SNTG1: variants seen among roughly 807,000 people sequenced by gnomAD.
The protein encoded by SNTG1 is syntrophin gamma 1.
A neutral mutation model predicts 74.7 loss-of-function variants in SNTG1; 39 were observed. The observed-to-expected ratio is 0.52, with a 90% CI of 0.40 to 0.68. The LOEUF (loss-of-function observed/expected upper bound fraction) is 0.68. SNTG1 is among the 30% of genes least tolerant of loss of function. The probability of loss-of-function intolerance (pLI) is 0.00; values close to 1 mark genes in which losing one functional copy is unlikely to be tolerated. For missense variants in SNTG1, 685 were observed against 609.5 expected (o/e 1.12, Z -1.30); for synonymous variants, 254 against 217.1 (o/e 1.17, Z -1.49).
At chr8:50,579,382 C>A (rs1369106123) in intron 12 of SNTG1, among the ~76,000 whole-genome samples, 1 of 152,138 alleles carries the variant, frequency 6.6e-6, no homozygotes, top group Admixed American at 6.5e-5. Flanking sequence ...GAAAAGAGAA[C>A]CCCGTTTTCT....
intron 11 of SNTG1, among the ~76,000 whole-genome samples, chr8:50,537,741 T>C (rs1436542219): frequency 6.6e-6 from 1 of 152,172 alleles, no homozygotes; most frequent in African/African-American, 2.4e-5. Flanking sequence ...AAGAGCTGTA[T>C]AGTAAATATT....
intron 1 of SNTG1, among the ~76,000 whole-genome samples, chr8:50,127,115 A>C (rs2081167369): frequency 6.6e-6 from 1 of 152,112 alleles, no homozygotes. Flanking sequence ...GATGTGTCCT[A>C]CTGATTCTTT....
intron 12 of SNTG1, among the ~76,000 whole-genome samples, chr8:50,564,261 T>G (rs2094503911): frequency 6.6e-6 from 1 of 152,126 alleles, no homozygotes; most frequent in Admixed American, 6.6e-5. Flanking sequence ...ATTAACTTTG[T>G]ATTATTGTAA....
chr8:50,553,190 A>T lies in SNTG1; in HGVS notation c.810+11A>T, dbSNP rs755053206. On this transcript the variant is annotated intron_variant, in intron 12 of 18. Coordinates refer to ENST00000642720, the MANE Select transcript of SNTG1 (RefSeq NM_018967.5). ...CTCACAAAGCACAATGTAAGTAATG[A>T]TTCAAGGAATACCTAGCCAGGGTTT... 1 of 1,613,546 alleles carries T rather than the reference A, an allele frequency of 6.2e-7. No individual in the cohort carries two copies. The highest frequency in any genetic ancestry group is 8.5e-7 in the Non-Finnish European group (1 of 1,179,702).
chr8:50,757,840 T>A (rs1036669183), intron 18 of SNTG1, among the ~76,000 whole-genome samples: 6 of 151,918 alleles, frequency 3.9e-5, no homozygotes, highest in Non-Finnish European at 8.8e-5. Flanking sequence ...AACAGTTATA[T>A]ATTGTTTTAC....
At chr8:50,693,366 G>A (rs898366246) in intron 15 of SNTG1, among the ~76,000 whole-genome samples, 10 of 152,118 alleles carry the variant, frequency 6.6e-5, no homozygotes, top group East Asian at 1.9e-4. Flanking sequence ...GCTGTAGACC[G>A]GAGCTGTTCC....
chr8:50,632,203 G>A (rs2095003595), intron 13 of SNTG1, among the ~76,000 whole-genome samples: 2 of 151,874 alleles, frequency 1.3e-5, no homozygotes, highest in African/African-American at 4.8e-5. Flanking sequence ...CTTAAAGGAT[G>A]GGTAAAAGCT....
rs1260606750 is a variant in SNTG1, at chr8:50,421,049, G to C, written c.163-17494G>C. 4.5e-4 allele frequency among the ~76,000 whole-genome samples: 51 copies of C among 113,388 alleles called. 6 individuals carry two copies. Among genetic ancestry groups the C allele is most frequent in the East Asian group, 1.3e-3 (5 of 3,784 alleles). 74.4% of individuals were successfully genotyped at this position (113,388 alleles called of 152,430 possible). On this transcript the variant is annotated intron_variant, in intron 4 of 18. Transcript: ENST00000642720. ...AAAAAAAAAAAAAGGCGGTGGGCGGGGGAGGGGGGGGCGAAGATAAAGGGA... is the reference window on the plus strand; with the variant it reads ...AAAAAAAAAAAAAGGCGGTGGGCGGCGGAGGGGGGGGCGAAGATAAAGGGA...
At chr8:50,721,342 C>T (rs1404410878) in intron 17 of SNTG1, among the ~76,000 whole-genome samples, 1 of 152,206 alleles carries the variant, frequency 6.6e-6, no homozygotes, top group Non-Finnish European at 1.5e-5. Context: ...CACTGACATT[C>T]TCTAGGTTAC....
chr8:50,437,703 CAA>C (rs1456335333), intron 4 of SNTG1, among the ~76,000 whole-genome samples: 1 of 152,142 alleles, frequency 6.6e-6, no homozygotes, highest in Non-Finnish European at 1.5e-5. Context: ...GGGGAATGTT[CAA>C]AAAGATTGAT....
At chr8:50,641,179 C>A (rs115938620) in intron 13 of SNTG1, among the ~76,000 whole-genome samples, 40 of 152,274 alleles carry the variant, frequency 2.6e-4, no homozygotes, top group African/African-American at 9.4e-4. Context: ...CTGAAGTACA[C>A]GCCTAAAGCA....
chr8:50,731,522 C>T (rs1015100097), intron 17 of SNTG1, among the ~76,000 whole-genome samples: 23 of 152,076 alleles, frequency 1.5e-4, no homozygotes, highest in African/African-American at 5.5e-4. Flanking sequence ...TCCTGTGTTT[C>T]TTACTAGCAC....
intron 2 of SNTG1, among the ~76,000 whole-genome samples, chr8:50,195,512 C>A (rs1276828960): frequency 6.6e-6 from 1 of 152,162 alleles, no homozygotes; most frequent in African/African-American, 2.4e-5. Flanking sequence ...TTCCTTCTCC[C>A]TGTGGAGTTA....
chr8:50,227,214 G>GA (rs2085373949), intron 2 of SNTG1, among the ~76,000 whole-genome samples: 1 of 152,058 alleles, frequency 6.6e-6, no homozygotes, highest in Admixed American at 6.6e-5. Flanking sequence ...CAGACCTATA[G>GA]AAAAAATGAA....
intron 17 of SNTG1, among the ~76,000 whole-genome samples, chr8:50,737,574 C>A (rs1179526386): frequency 6.6e-6 from 1 of 152,080 alleles, no homozygotes; most frequent in African/African-American, 2.4e-5. Context: ...CCAGCATCAT[C>A]CTGATAGCAA....
At chr8:49,938,152 A>C (rs888158079) in intron 1 of SNTG1, among the ~76,000 whole-genome samples, 2 of 152,142 alleles carry the variant, frequency 1.3e-5, no homozygotes, top group Admixed American at 6.5e-5. Context: ...CTTGACTATT[A>C]ACCTCCATTG....
chr8:50,084,520 A>G (rs1822701973), intron 1 of SNTG1, among the ~76,000 whole-genome samples: 1 of 152,220 alleles, frequency 6.6e-6, no homozygotes, highest in Non-Finnish European at 1.5e-5. Flanking sequence ...AATTTAGATG[A>G]CCAAAATCTA....
intron 2 of SNTG1, among the ~76,000 whole-genome samples, chr8:50,309,723 C>T (rs147229528): frequency 1.3e-5 from 2 of 152,204 alleles, no homozygotes; most frequent in East Asian, 1.9e-4. Flanking sequence ...TTCTGAGAGA[C>T]GAAGTGGAGA....
chr8:50,312,315 G>T lies in SNTG1; in HGVS notation c.-27-81897G>T, dbSNP rs77155036. Among the ~76,000 whole-genome samples the T allele has an allele frequency of 4.8e-3, 726 of 152,054 alleles. 9 individuals are homozygous for T. The highest frequency in any genetic ancestry group is 0.017 in the African/African-American group (691 of 41,490). On this transcript the variant is annotated intron_variant, in intron 2 of 18. Transcript: ENST00000642720. ...CCGCTAGTCTTATTTCCAAGGAGAG[G>T]GATGCTTAGTGATTGTCTCAAAATA...
Sources: allele counts gnomAD v4.1 joint callset (sites outside exome capture counted in the v4.1 genomes callset), GRCh38; gene constraint gnomAD v4.1.1; transcripts MANE v1.5; gene names NCBI Gene and HGNC (gene_info 2026-07-23, HGNC 2026-07-21).